Variants in PRKAR1B observed in about 807,000 individuals in gnomAD.
PRKAR1B encodes cAMP-dependent protein kinase type I-beta regulatory subunit.
Under a neutral mutation model 46.5 loss-of-function variants are expected in PRKAR1B, and 22 were observed. The ratio of observed to expected loss-of-function variants is 0.47; its 90% CI spans 0.34 to 0.68. PRKAR1B has a LOEUF of 0.68. PRKAR1B is among the 30% of genes least tolerant of loss of function. The probability of loss-of-function intolerance (pLI) is 0.01; values close to 1 mark genes in which losing one functional copy is unlikely to be tolerated. For synonymous variants in PRKAR1B, 259 were observed against 217.7 expected (o/e 1.19, Z -1.67); for missense variants, 445 against 535.6 (o/e 0.83, Z 1.67).
intron 6 of PRKAR1B, among the ~76,000 whole-genome samples, chr7:597,823 G>A (rs536872187): frequency 3.3e-5 from 5 of 152,350 alleles, no homozygotes; most frequent in East Asian, 1.9e-4. Flanking sequence ...CTTCCGCCTC[G>A]CAGTGGACAC....
intron 3 of PRKAR1B, among the ~76,000 whole-genome samples, chr7:680,098 C>A (rs1331982853): frequency 6.7e-6 from 1 of 148,174 alleles, no homozygotes; most frequent in Non-Finnish European, 1.5e-5. Context: ...GCGGAGCTTG[C>A]AGTGAGCTGA....
At chr7:571,549 G>A (rs1238443781) in intron 9 of PRKAR1B, among the ~76,000 whole-genome samples, 1 of 152,222 alleles carries the variant, frequency 6.6e-6, no homozygotes, top group Non-Finnish European at 1.5e-5. Flanking sequence ...TTTGCTAAGA[G>A]AGGAGATAAA....
chr7:692,758 G>A (rs919761299), intron 2 of PRKAR1B, among the ~76,000 whole-genome samples: 1 of 152,110 alleles, frequency 6.6e-6, no homozygotes, highest in African/African-American at 2.4e-5. Context: ...GAACACAGCC[G>A]GAGACCGACC....
At chr7:594,539 C>T (rs1425863401) in intron 7 of PRKAR1B, among the ~76,000 whole-genome samples, 1 of 152,120 alleles carries the variant, frequency 6.6e-6, no homozygotes, top group South Asian at 2.1e-4. Context: ...GGTGCGGCCA[C>T]CCAAACCACA....
chr7:716,327 A>G (rs1480227317), intron 1 of PRKAR1B, among the ~76,000 whole-genome samples: 1 of 150,776 alleles, frequency 6.6e-6, no homozygotes, highest in Non-Finnish European at 1.5e-5. Context: ...GAGTGCTGGG[A>G]CTACAGGTAT....
At chr7:621,589 G>C (rs1007091437) in intron 4 of PRKAR1B, among the ~76,000 whole-genome samples, 1 of 152,290 alleles carries the variant, frequency 6.6e-6, no homozygotes, top group East Asian at 1.9e-4. Context: ...CCAGGATCCC[G>C]AGTTTGCAAC....
At chr7:599,308 T>C (rs1781459247) in intron 6 of PRKAR1B, among the ~76,000 whole-genome samples, 1 of 151,970 alleles carries the variant, frequency 6.6e-6, no homozygotes, top group Admixed American at 6.5e-5. Context: ...CTCTCTTTTT[T>C]TTTTTTGAGA....
chr7:658,066 T>C (rs924991919), intron 4 of PRKAR1B, among the ~76,000 whole-genome samples: 9 of 152,068 alleles, frequency 5.9e-5, no homozygotes, highest in South Asian at 2.1e-4. Flanking sequence ...AGCCAGCATA[T>C]GGACGGCGAA....
At chr7:584,369 C>T (rs1328657409) in intron 8 of PRKAR1B, 139 bp downstream of exon 8, 2 of 690,150 alleles carry the variant, frequency 2.9e-6, no homozygotes, top group Non-Finnish European at 5.1e-6. Context: ...CGTGAGCATG[C>T]CTGTGTGTTG....
chr7:595,567 C>T (rs1291918462), intron 7 of PRKAR1B, among the ~76,000 whole-genome samples: 1 of 152,200 alleles, frequency 6.6e-6, no homozygotes, highest in Non-Finnish European at 1.5e-5. Context: ...CCCACGAGCT[C>T]ACCTCCAGGA....
intron 9 of PRKAR1B, among the ~76,000 whole-genome samples, chr7:578,087 G>A (rs146468292): frequency 0.022 from 3,390 of 152,334 alleles, 120 homozygotes; most frequent in African/African-American, 0.073. Flanking sequence ...AATGGTGCAC[G>A]GGTGGGCGTG....
intron 4 of PRKAR1B, among the ~76,000 whole-genome samples, chr7:657,262 CGGACGGATGGATGGATGGAT>C (rs1368550234): frequency 2.9e-5 from 3 of 102,676 alleles, no homozygotes; most frequent in South Asian, 3.1e-4. Flanking sequence ...GATGAATGGA[CGGACGGATGGATGGATGGAT>C]GGATGGATGG....
At chr7:624,159 A>G (rs574044275) in intron 4 of PRKAR1B, among the ~76,000 whole-genome samples, 4 of 152,330 alleles carry the variant, frequency 2.6e-5, no homozygotes, top group Admixed American at 2.0e-4. Context: ...CTGACCAAGC[A>G]TGGTGGCTCA....
In PRKAR1B at chr7:653,327, T is replaced by C. The variant is rs192380615; in HGVS notation, c.440+23902A>G. Among the ~76,000 whole-genome samples, 625 of 152,290 alleles carry C rather than the reference T, an allele frequency of 4.1e-3. 1 individual carries two copies. Among genetic ancestry groups the C allele is most frequent in the South Asian group, 0.02 (95 of 4,830 alleles). On this transcript the variant is annotated intron_variant, in intron 4 of 10. Transcript: ENST00000537384. ...AAGACCCAGGTTCTGTCCATTTCTGTACTTTGCAGCAGCAGCCTCTTCCCA... is the reference window on the plus strand; with the variant it reads ...AAGACCCAGGTTCTGTCCATTTCTGCACTTTGCAGCAGCAGCCTCTTCCCA...
chr7:570,170 G>A (rs1473173015), intron 9 of PRKAR1B, among the ~76,000 whole-genome samples: 3 of 152,310 alleles, frequency 2.0e-5, no homozygotes, highest in Non-Finnish European at 2.9e-5. Context: ...CGAGAGGAGG[G>A]AGGACGCGCG....
intron 9 of PRKAR1B, among the ~76,000 whole-genome samples, chr7:569,358 C>T (rs1779365445): frequency 1.3e-5 from 2 of 152,232 alleles, no homozygotes; most frequent in South Asian, 2.1e-4. Context: ...CAAGTGAAGA[C>T]GTCCCATGCC....
chr7:684,121 T>C (rs73047912), intron 2 of PRKAR1B, among the ~76,000 whole-genome samples: 26,652 of 148,968 alleles, frequency 0.18, 3,098 homozygotes, highest in African/African-American at 0.32. Flanking sequence ...TGCCCACCTC[T>C]ACGTGTGTGC....
chr7:651,525 A>G (rs1784901560), intron 4 of PRKAR1B, among the ~76,000 whole-genome samples: 1 of 151,802 alleles, frequency 6.6e-6, no homozygotes, highest in South Asian at 2.1e-4. Context: ...AAGACAGTTC[A>G]CACCCGTGCA....
chr7:627,739 C>T (rs946514080), intron 4 of PRKAR1B, among the ~76,000 whole-genome samples: 2 of 151,670 alleles, frequency 1.3e-5, no homozygotes, highest in South Asian at 2.1e-4. Flanking sequence ...CGCCCGCCCT[C>T]CCCGGGCACT....
Sources: gnomAD v4.1 joint callset for allele counts (sites outside exome capture counted in the v4.1 genomes callset) on GRCh38, gnomAD v4.1.1 for gene constraint, MANE v1.5 for transcripts, NCBI Gene and HGNC (gene_info 2026-07-23, HGNC 2026-07-21) for gene names.